Variants in RAD9B observed in about 807,000 individuals in gnomAD.
RAD9B encodes the protein cell cycle checkpoint control protein RAD9B.
In RAD9B, 41 loss-of-function variants were observed where a neutral mutation model predicts 48.3. The observed-to-expected ratio is 0.85, with a 90% CI of 0.66 to 1.10. The LOEUF (loss-of-function observed/expected upper bound fraction) is 1.10. Ranked by LOEUF, RAD9B falls within the 50% of genes least tolerant of loss-of-function variation. The pLI, the probability that RAD9B is intolerant of heterozygous loss-of-function variation, is 0.00. For missense variants in RAD9B, 444 were observed against 485.1 expected (o/e 0.92, Z 0.80); for synonymous variants, 160 against 157.9 (o/e 1.01, Z -0.10).
intron 4 of RAD9B, among the ~76,000 whole-genome samples, chr12:110,507,863 A>G (rs193253845): frequency 1.3e-5 from 2 of 151,556 alleles, no homozygotes; most frequent in Non-Finnish European, 1.5e-5. Context: ...TTGGTCAGGC[A>G]GGTCTGAAAC....
At chr12:110,503,944 T>G (rs1267706772) in intron 2 of RAD9B, 68 bp downstream of exon 2, 2 of 920,384 alleles carry the variant, frequency 2.2e-6, no homozygotes, top group Non-Finnish European at 3.2e-6. Context: ...CAGTCCAGAT[T>G]GAATGTTAAC....
rs1451354825 is a variant in RAD9B, at chr12:110,512,876, A to G, written c.486A>G (p.Pro162=). 4 of 1,482,072 alleles carry G rather than the reference A, an allele frequency of 2.7e-6. No individual in the cohort carries two copies. The highest frequency in any genetic ancestry group is 3.7e-6 in the Non-Finnish European group (4 of 1,068,690). The allele number at this position is 1,482,072 out of a possible 1,614,324, so 91.8% of individuals were successfully genotyped here. Reference sequence around the variant, plus strand: ...GTACTAATACGCTAATGATTCAACCAAGGTAATGAGTTCTCTGTTGTCAGT... The same window carrying G: ...GTACTAATACGCTAATGATTCAACCGAGGTAATGAGTTCTCTGTTGTCAGT... The part of the protein sequence containing the change: ...NVCTNTLMIQ[P]RLLADAIVLF... Residue 162 remains proline (P), a splice_region_variant and synonymous_variant, in exon 5 of 11, where the codon CCA becomes CCG. Coordinates refer to ENST00000409300, the MANE Select transcript of RAD9B (RefSeq NM_001286535.2).
intron 10 of RAD9B, among the ~76,000 whole-genome samples, chr12:110,525,600 G>T (rs2063912378): frequency 6.6e-6 from 1 of 152,034 alleles, no homozygotes; most frequent in Non-Finnish European, 1.5e-5. Context: ...TCTCCATATT[G>T]GTGGTGTTAA....
intron 9 of RAD9B, among the ~76,000 whole-genome samples, chr12:110,520,628 C>CTTTTTTTTTTTTTTTTTTTGTTTTTT (rs71083129): frequency 1.9e-4 from 19 of 99,962 alleles, no homozygotes; most frequent in South Asian, 3.5e-4. Flanking sequence ...TTCTTGCTTT[C>CTTTTTTTTTTTTTTTTTTTGTTTTTT]TTTTTTTTTT....
intron 10 of RAD9B, among the ~76,000 whole-genome samples, chr12:110,527,165 C>T (rs2063971933): frequency 6.6e-6 from 1 of 152,076 alleles, no homozygotes; most frequent in Non-Finnish European, 1.5e-5. Flanking sequence ...CTTCTAGAGA[C>T]CACTTCCATT....
intron 1 of RAD9B, chr12:110,503,542 G>T: frequency 5.1e-6 from 2 of 389,062 alleles, no homozygotes; most frequent in Non-Finnish European, 9.3e-6. Context: ...TTGCACAGTA[G>T]CTCCATGCAA....
intron 4 of RAD9B, among the ~76,000 whole-genome samples, chr12:110,510,106 G>A (rs781131862): frequency 1.3e-5 from 2 of 152,172 alleles, no homozygotes; most frequent in Non-Finnish European, 2.9e-5. Flanking sequence ...TTTACCCAGG[G>A]TAAAAGCCAA....
intron 3 of RAD9B, 83 bp from the exon 4 acceptor site, chr12:110,506,496 T>G: frequency 1.3e-6 from 1 of 766,364 alleles, no homozygotes; most frequent in South Asian, 1.4e-5. Context: ...CCAAGTCTGT[T>G]CATTTATGAA....
At chr12:110,504,956 C>T (rs538320582) in intron 2 of RAD9B, among the ~76,000 whole-genome samples, 9 of 151,386 alleles carry the variant, frequency 5.9e-5, no homozygotes, top group Non-Finnish European at 1.0e-4. Flanking sequence ...CAGTGAGCTG[C>T]GGTGGTACCA....
chr12:110,530,502 T>C (rs377121308), intron 10 of RAD9B, 23 bp from the exon 11 acceptor site: 116 of 1,612,846 alleles, frequency 7.2e-5, no homozygotes, highest in Non-Finnish European at 9.6e-5. Context: ...GAATCAACAA[T>C]GCAGTTCCTT....
intron 9 of RAD9B, among the ~76,000 whole-genome samples, chr12:110,520,781 G>A (rs2063762840): frequency 1.3e-5 from 2 of 151,252 alleles, no homozygotes; most frequent in African/African-American, 2.4e-5. Context: ...CTCCCTAGTC[G>A]CTGGGATGAC....
intron 5 of RAD9B, 117 bp from the exon 6 acceptor site, chr12:110,514,933 T>C: frequency 1.6e-6 from 1 of 631,448 alleles, no homozygotes; most frequent in South Asian, 2.4e-5. Flanking sequence ...TAAATTTTTC[T>C]AAACCCAGGC....
chr12:110,526,898 GA>G (rs1163632139), intron 10 of RAD9B, among the ~76,000 whole-genome samples: 2 of 138,074 alleles, frequency 1.4e-5, no homozygotes, highest in African/African-American at 5.5e-5. Context: ...GACAGAACGA[GA>G]CTCCATCTCA....
At chr12:110,502,414 G>A (rs766619821) in intron 1 of RAD9B, 31 bp downstream of exon 1, 1 of 1,611,798 alleles carries the variant, frequency 6.2e-7, no homozygotes, top group Non-Finnish European at 8.5e-7. Context: ...TTCCCATTTA[G>A]CAGAGAGAAA....
At position 110,529,864 on chromosome 12, in the gene RAD9B, G is replaced by A. The variant is rs569440476; in HGVS notation, c.1126-661G>A. On this transcript the variant is annotated intron_variant, in intron 10 of 10. Transcript: ENST00000409300. ...TTAACTTGGAAGAGTGGCTTCTGCC[G>A]TAGCAGGAGGGGAAGGGAAGAAGAT... Among the ~76,000 whole-genome samples the A allele has an allele frequency of 5.3e-5, 8 of 152,282 alleles. No individual in the cohort carries two copies. In the East Asian group the frequency reaches 9.7e-4, roughly 18 times the overall value.
At chr12:110,520,331 C>T (rs1470365425) in intron 9 of RAD9B, among the ~76,000 whole-genome samples, 2 of 152,088 alleles carry the variant, frequency 1.3e-5, no homozygotes, top group Non-Finnish European at 2.9e-5. Flanking sequence ...CCTCAGCCTC[C>T]CAAGTAGCTG....
At chr12:110,512,922 A>G (rs1288979637) in intron 5 of RAD9B, 44 bp downstream of exon 5, 33 of 943,708 alleles carry the variant, frequency 3.5e-5, no homozygotes, top group Non-Finnish European at 5.2e-5. Context: ...TGAATACAGT[A>G]TGATCATGGA....
In RAD9B at chr12:110,526,929, A is replaced by C. The variant is rs1007387330; in HGVS notation, c.1126-3596A>C. On this transcript the variant is annotated intron_variant, in intron 10 of 10. Coordinates refer to ENST00000409300, the MANE Select transcript of RAD9B (RefSeq NM_001286535.2). Reference sequence around the variant, plus strand: ...ATCTCAAAAAAAAAAAAAAAAGAAAAGAAACCATGCCTCCAATTATGGCCA... The same window carrying C: ...ATCTCAAAAAAAAAAAAAAAAGAAACGAAACCATGCCTCCAATTATGGCCA... Among the ~76,000 whole-genome samples the C allele has an allele frequency of 2.6e-5, 4 of 151,128 alleles. No homozygotes were observed. In the East Asian group the frequency reaches 7.8e-4, roughly 29 times the overall value.
At chr12:110,513,088 C>A (rs1268112125) in intron 5 of RAD9B, among the ~76,000 whole-genome samples, 2 of 151,938 alleles carry the variant, frequency 1.3e-5, no homozygotes, top group Non-Finnish European at 2.9e-5. Flanking sequence ...GCCTCAGCCT[C>A]CCGAGTAGCT....
Sources: allele counts gnomAD v4.1 joint callset (sites outside exome capture counted in the v4.1 genomes callset), GRCh38; gene constraint gnomAD v4.1.1; transcripts MANE v1.5; gene names NCBI Gene and HGNC (gene_info 2026-07-23, HGNC 2026-07-21).